The following SPATA31H1 variants were observed in gnomAD, a reference collection of about 807,000 sequenced individuals.
The protein encoded by SPATA31H1 is SPATA31 subfamily H member 1.
At chr2:27,570,235 G>C in the SPATA31H1 span, 1 of 398,776 alleles carries the variant, frequency 2.5e-6, no homozygotes, top group Non-Finnish European at 4.4e-6. Flanking sequence ...TTGCAGTCAA[G>C]CCAAGGGACA....
At chr2:27,580,574 T>C in the SPATA31H1 span, 2 of 1,614,224 alleles carry the variant, frequency 1.2e-6, no homozygotes, top group South Asian at 2.2e-5. Flanking sequence ...AGACAAGTAC[T>C]GCCTCTTTAA....
At chr2:27,580,929 C>G in the SPATA31H1 span, 2 of 1,614,192 alleles carry the variant, frequency 1.2e-6, no homozygotes, top group African/African-American at 1.3e-5. Context: ...CAGACCTCTT[C>G]GACTGCCCAA....
chr2:27,557,820 C>T, the SPATA31H1 span, among the ~76,000 whole-genome samples: 1 of 49,878 alleles, frequency 2.0e-5, no homozygotes, highest in Non-Finnish European at 4.3e-5. Context: ...GGGGGCTGAC[C>T]CCCCCCACCT....
At chr2:27,571,610 A>G in the SPATA31H1 span, 28 of 398,394 alleles carry the variant, frequency 7.0e-5, no homozygotes, top group Non-Finnish European at 1.1e-4. Context: ...CACCAGGGCC[A>G]TTGCTTCAAG....
the SPATA31H1 span, among the ~76,000 whole-genome samples, chr2:27,554,571 T>TTTTTG: frequency 3.3e-4 from 50 of 150,760 alleles, no homozygotes; most frequent in Non-Finnish European, 4.1e-4. Context: ...GAGTTTTTTG[T>TTTTTG]TTTTGTTTTG....
chr2:27,567,732 A>C, the SPATA31H1 span: 1 of 399,166 alleles, frequency 2.5e-6, no homozygotes, highest in Non-Finnish European at 4.4e-6. Context: ...TATAGAGGAG[A>C]GGGTCATAGG....
the SPATA31H1 span, among the ~76,000 whole-genome samples, chr2:27,539,719 G>A: frequency 5.5e-5 from 4 of 73,074 alleles, no homozygotes; most frequent in African/African-American, 1.8e-4. Flanking sequence ...CTCACCTCCC[G>A]GATGGGGCGG....
At chr2:27,560,384 A>G in the SPATA31H1 span, among the ~76,000 whole-genome samples, 3 of 152,142 alleles carry the variant, frequency 2.0e-5, no homozygotes, top group African/African-American at 2.4e-5. Flanking sequence ...TTTATAATCA[A>G]TAGCATCTTA....
chr2:27,541,020 T>TG, the SPATA31H1 span, among the ~76,000 whole-genome samples: 19 of 131,506 alleles, frequency 1.4e-4, no homozygotes, highest in Admixed American at 1.5e-4. Flanking sequence ...CTCGGCACTT[T>TG]GGGGGGCCAA....
the SPATA31H1 span, among the ~76,000 whole-genome samples, chr2:27,543,563 A>T: frequency 6.7e-6 from 1 of 149,290 alleles, no homozygotes; most frequent in Non-Finnish European, 1.5e-5. Context: ...AAAAAAAAAT[A>T]GTCCAGTATC....
chr2:27,538,028 A>T, the SPATA31H1 span, among the ~76,000 whole-genome samples: 1 of 152,130 alleles, frequency 6.6e-6, no homozygotes, highest in Non-Finnish European at 1.5e-5. Flanking sequence ...ATTGGAAAAA[A>T]GATGTGGGAA....
the SPATA31H1 span, among the ~76,000 whole-genome samples, chr2:27,548,140 C>T: frequency 2.3e-3 from 346 of 151,822 alleles, 5 homozygotes; most frequent in Non-Finnish European, 1.9e-3. Flanking sequence ...TGCCACTGTG[C>T]CTGGCTAATT....
chr2:27,568,817 A>G, the SPATA31H1 span: 1 of 398,898 alleles, frequency 2.5e-6, no homozygotes, highest in East Asian at 3.6e-5. Flanking sequence ...AAGGTATGAA[A>G]TATGGGGAAC....
chr2:27,540,366 T>A, the SPATA31H1 span, among the ~76,000 whole-genome samples: 1 of 113,432 alleles, frequency 8.8e-6, no homozygotes, highest in Non-Finnish European at 1.8e-5. Flanking sequence ...GCCCCTCACC[T>A]CCCGGACTGG....
the SPATA31H1 span, chr2:27,572,765 G>T: frequency 2.5e-6 from 1 of 397,888 alleles, no homozygotes; most frequent in Middle Eastern, 6.3e-4. Flanking sequence ...CTGGAGAGTC[G>T]AAATCTTCCA....
chr2:27,555,322 TTGAC>T, the SPATA31H1 span, among the ~76,000 whole-genome samples: 2 of 151,986 alleles, frequency 1.3e-5, no homozygotes, highest in Non-Finnish European at 2.9e-5. Context: ...TTGCTTTTCT[TTGAC>T]TGAAAATTTC....
chr2:27,541,419 G>C, the SPATA31H1 span, among the ~76,000 whole-genome samples: 1 of 151,612 alleles, frequency 6.6e-6, no homozygotes, highest in Admixed American at 6.6e-5. Flanking sequence ...AGAGAGAGGG[G>C]AGAGGGGAGA....
chr2:27,582,005 G>C, the SPATA31H1 span: 1 of 1,613,930 alleles, frequency 6.2e-7, no homozygotes, highest in East Asian at 2.2e-5. Context: ...GTCCCTTGGA[G>C]AGGAGCCGTC....
At chr2:27,569,990 G>T in the SPATA31H1 span, 1 of 398,854 alleles carries the variant, frequency 2.5e-6, no homozygotes, top group Admixed American at 4.4e-5. Context: ...ACATCAAATT[G>T]TCAGATTTTA....
Sources: allele counts gnomAD v4.1 joint callset (sites outside exome capture counted in the v4.1 genomes callset), GRCh38; gene constraint gnomAD v4.1.1; transcripts MANE v1.5; gene names NCBI Gene and HGNC (gene_info 2026-07-23, HGNC 2026-07-21).